ARMC3: variants seen among roughly 807,000 people sequenced by gnomAD.
The protein encoded by ARMC3 is armadillo repeat-containing protein 3.
ARMC3 carries 74 observed loss-of-function variants against 90.3 expected under a neutral mutation model. That is an observed-to-expected ratio of 0.82 (90% CI 0.68 to 0.99). ARMC3 has a LOEUF of 0.99. ARMC3 is among the 50% of genes least tolerant of loss of function. The probability of loss-of-function intolerance (pLI) is 0.00; values close to 1 mark genes in which losing one functional copy is unlikely to be tolerated. For synonymous variants in ARMC3, 334 were observed against 361.8 expected, an observed-to-expected ratio of 0.92 and a Z score of 0.87; for missense variants, 958 against 1,042.8, an observed-to-expected ratio of 0.92 and a Z score of 1.12.
chr10:23,012,045 C>A (rs188972030), intron 16 of ARMC3, among the ~76,000 whole-genome samples: 1 of 152,198 alleles, frequency 6.6e-6, no homozygotes, highest in Non-Finnish European at 1.5e-5. Flanking sequence ...CTCACCCAGA[C>A]GAATGAACAC....
intron 13 of ARMC3, among the ~76,000 whole-genome samples, chr10:23,005,128 G>A (rs1298474593): frequency 6.6e-6 from 1 of 151,098 alleles, no homozygotes; most frequent in Non-Finnish European, 1.5e-5. Flanking sequence ...CAGGAGAATG[G>A]CGTGAACCCG....
chr10:23,012,889 C>CTTT (rs553944945), intron 16 of ARMC3, among the ~76,000 whole-genome samples: 10 of 134,466 alleles, frequency 7.4e-5, no homozygotes, highest in African/African-American at 2.4e-4. Flanking sequence ...TAGCCCCCAC[C>CTTT]TTTTTTTTTT....
chr10:23,024,399 T>TAGACAGAC (rs1227407535), intron 16 of ARMC3, among the ~76,000 whole-genome samples: 2 of 122,146 alleles, frequency 1.6e-5, no homozygotes, highest in African/African-American at 5.2e-5. Context: ...GCCACATAGA[T>TAGACAGAC]AGATAGATAG....
chr10:22,993,065 TATCACC>T (rs1206009224), intron 10 of ARMC3, among the ~76,000 whole-genome samples: 1 of 152,208 alleles, frequency 6.6e-6, no homozygotes, highest in African/African-American at 2.4e-5. Flanking sequence ...TTATTGCCAA[TATCACC>T]ATCTGTTCCA....
chr10:22,998,330 C>T lies in ARMC3; in HGVS notation c.1358C>T (p.Thr453Ile). 6.2e-7 allele frequency: 1 copy of T among 1,613,792 alleles called. No individual in the cohort carries two copies. Among genetic ancestry groups the T allele is most frequent in the Non-Finnish European group, 8.5e-7 (1 of 1,179,848 alleles). The change falls in exon 11 of 19, where the codon ACA becomes ATA. Residue 453 changes from threonine to isoleucine, a missense_variant. By Grantham distance (89) the Thr-to-Ile change is moderately conservative. Transcript: ENST00000298032. ...ATCAGCCCACTGCGTTCTGCAAACA[C>T]AGTCGTGCAGAGCAAAGCTGCTCTC... ...AIISPLRSAN[T>I]VVQSKAALAV... is the part of the protein sequence containing the mutation.
At chr10:23,016,844 G>C (rs1838295859) in intron 16 of ARMC3, among the ~76,000 whole-genome samples, 1 of 152,190 alleles carries the variant, frequency 6.6e-6, no homozygotes, top group Non-Finnish European at 1.5e-5. Flanking sequence ...AGCACGCTCT[G>C]TGAGACACAC....
Position 22,998,258 on chromosome 10 carries a change from A to C in ARMC3, c.1286A>C (p.Glu429Ala). Residue 429 changes from glutamate to alanine, a missense_variant, in exon 11 of 19, where the codon GAG (glutamate) becomes GCG (alanine). Glu to Ala is a moderately radical substitution (Grantham distance 107). Coordinates refer to ENST00000298032, the MANE Select transcript of ARMC3 (RefSeq NM_173081.5). ...ATVLTNMAMQ[E>A]PLRLNIQNHD... ...GTATTAACAAACATGGCCATGCAGGAGCCCCTGCGCCTGAACATACAGAAT... is the reference window on the plus strand; with the variant it reads ...GTATTAACAAACATGGCCATGCAGGCGCCCCTGCGCCTGAACATACAGAAT... 1 of 1,612,578 alleles carries C rather than the reference A, an allele frequency of 6.2e-7. No individual in the cohort carries two copies. Among genetic ancestry groups the C allele is most frequent in the Non-Finnish European group, 8.5e-7 (1 of 1,179,182 alleles).
intron 16 of ARMC3, among the ~76,000 whole-genome samples, chr10:23,029,939 T>G (rs1405960529): frequency 6.6e-6 from 1 of 152,196 alleles, no homozygotes; most frequent in East Asian, 1.9e-4. Flanking sequence ...CAGAAGGTCT[T>G]AACTGAAGTA....
intron 10 of ARMC3, among the ~76,000 whole-genome samples, chr10:22,987,010 T>C (rs1307851290): frequency 1.3e-5 from 2 of 152,202 alleles, no homozygotes; most frequent in African/African-American, 4.8e-5. Flanking sequence ...ACAATGCCTG[T>C]AGAAAGGAAC....
At chr10:22,937,423 C>A (rs552853399) in intron 2 of ARMC3, among the ~76,000 whole-genome samples, 1 of 152,150 alleles carries the variant, frequency 6.6e-6, no homozygotes, top group African/African-American at 2.4e-5. Context: ...CATGTGAGGT[C>A]TCTGGGGTGA....
chr10:22,940,063 A>C (rs570430902), intron 2 of ARMC3, among the ~76,000 whole-genome samples: 1 of 152,340 alleles, frequency 6.6e-6, no homozygotes, highest in African/African-American at 2.4e-5. Context: ...GGTACACATA[A>C]AAGTAAAAAC....
Position 23,010,457 on chromosome 10 carries a change from TCCTCCCTCCTTCCTTTCCCTC to T in ARMC3, c.2045+1528_2045+1548del, listed in dbSNP as rs1156601387. ...TTCCCTCCCCTCTCCTTCCTTTCCCTCCTCCCTCCTTCCTTTCCCTCCTCCCTCCTTCCTTTCCCTCCCCTC... is the reference window on the plus strand; with the variant it reads ...TTCCCTCCCCTCTCCTTCCTTTCCCTCTCCCTCCTTCCTTTCCCTCCCCTC... On this transcript the variant is annotated intron_variant, in intron 16 of 18. Transcript: ENST00000298032. Among the ~76,000 whole-genome samples, 2 of 36,762 alleles carry T rather than the reference TCCTCCCTCCTTCCTTTCCCTC, an allele frequency of 5.4e-5. 1 individual carries two copies. Among genetic ancestry groups the T allele is most frequent in the Non-Finnish European group, 9.3e-5 (2 of 21,404 alleles). The allele number at this position is 36,762 out of a possible 152,430, so 24.1% of individuals were successfully genotyped here.
chr10:22,956,056 T>C, intron 4 of ARMC3, 124 bp downstream of exon 4: 1 of 964,772 alleles, frequency 1.0e-6, no homozygotes, highest in South Asian at 1.8e-5. Context: ...CACAAAAACA[T>C]TTTATCAGTA....
At chr10:22,985,087 T>G (rs1836359025) in intron 10 of ARMC3, among the ~76,000 whole-genome samples, 1 of 145,570 alleles carries the variant, frequency 6.9e-6, no homozygotes, top group African/African-American at 2.6e-5. Flanking sequence ...AGATGGGGTC[T>G]TACCATGTTG....
chr10:22,976,809 T>G (rs916432417), intron 8 of ARMC3, among the ~76,000 whole-genome samples: 5 of 152,330 alleles, frequency 3.3e-5, no homozygotes, highest in South Asian at 2.1e-4. Flanking sequence ...TTTGACAATC[T>G]GAACAAAGAG....
At chr10:22,974,033 C>T (rs1835808107) in intron 8 of ARMC3, among the ~76,000 whole-genome samples, 1 of 152,156 alleles carries the variant, frequency 6.6e-6, no homozygotes, top group Middle Eastern at 3.2e-3. Context: ...GCTGGGATTA[C>T]AGGCGTGAGC....
At chr10:22,941,805 G>T (rs1834339375) in intron 2 of ARMC3, among the ~76,000 whole-genome samples, 1 of 152,166 alleles carries the variant, frequency 6.6e-6, no homozygotes. Context: ...AATGTTCAAG[G>T]ATAGTAGAAA....
chr10:22,940,900 A>G (rs1013084244), intron 2 of ARMC3, among the ~76,000 whole-genome samples: 1 of 152,224 alleles, frequency 6.6e-6, no homozygotes, highest in Non-Finnish European at 1.5e-5. Context: ...CTTGTATAAA[A>G]TGTGCATGGC....
intron 5 of ARMC3, 69 bp from the exon 6 acceptor site, chr10:22,959,330 G>C: frequency 3.4e-6 from 5 of 1,472,008 alleles, no homozygotes; most frequent in Non-Finnish European, 4.6e-6. Context: ...GGTTTCCAAA[G>C]CATATTTTAA....
Sources: gnomAD v4.1 joint callset for allele counts (sites outside exome capture counted in the v4.1 genomes callset) on GRCh38, gnomAD v4.1.1 for gene constraint, MANE v1.5 for transcripts, NCBI Gene and HGNC (gene_info 2026-07-23, HGNC 2026-07-21) for gene names.